TTC6: variants seen among roughly 807,000 people sequenced by gnomAD.
The protein encoded by TTC6 is tetratricopeptide repeat domain 6, also known as tetratricopeptide repeat protein 6.
A neutral mutation model predicts 210.4 loss-of-function variants in TTC6; 172 were observed. That is an observed-to-expected ratio of 0.82 (90% CI 0.72 to 0.93). The LOEUF (loss-of-function observed/expected upper bound fraction) is 0.93. TTC6 is among the 40% of genes least tolerant of loss of function. The probability of loss-of-function intolerance (pLI) is 0.00; values close to 1 mark genes in which losing one functional copy is unlikely to be tolerated. For missense variants in TTC6, 2,414 were observed against 2,318.1 expected (o/e 1.04, Z -0.85); for synonymous variants, 804 against 819.6 (o/e 0.98, Z 0.32).
chr14:37,705,121 C>T (rs997100500), intron 5 of TTC6, among the ~76,000 whole-genome samples: 1 of 152,040 alleles, frequency 6.6e-6, no homozygotes, highest in African/African-American at 2.4e-5. Flanking sequence ...TCAAATCAGG[C>T]ACCCCTTATA....
intron 14 of TTC6, among the ~76,000 whole-genome samples, chr14:37,787,023 T>G (rs896451787): frequency 6.6e-6 from 1 of 152,168 alleles, no homozygotes; most frequent in African/African-American, 2.4e-5. Flanking sequence ...CGTATTTGGA[T>G]GTATCTTCAA....
At chr14:37,638,917 C>G (rs553771956) in intron 1 of TTC6, among the ~76,000 whole-genome samples, 1 of 152,118 alleles carries the variant, frequency 6.6e-6, no homozygotes, top group South Asian at 2.1e-4. Context: ...TCTTTAAACC[C>G]CCAACTCCCC....
At chr14:37,771,591 T>C (rs987686905) in intron 14 of TTC6, among the ~76,000 whole-genome samples, 10 of 152,210 alleles carry the variant, frequency 6.6e-5, no homozygotes, top group African/African-American at 2.4e-4. Context: ...TCCAGTTGAT[T>C]GCATTGGCTC....
At chr14:37,674,352 GT>G (rs1358949530) in intron 1 of TTC6, among the ~76,000 whole-genome samples, 1 of 151,882 alleles carries the variant, frequency 6.6e-6, no homozygotes, top group Non-Finnish European at 1.5e-5. Context: ...TTATAATTAT[GT>G]TCTTTTCTGT....
At chr14:37,794,842 G>C (rs993325183) in intron 17 of TTC6, among the ~76,000 whole-genome samples, 5 of 151,934 alleles carry the variant, frequency 3.3e-5, no homozygotes, top group African/African-American at 1.2e-4. Context: ...TCCTATCTCA[G>C]CCTCCCAAAG....
chr14:37,708,684 G>A (rs1595133967), intron 5 of TTC6, among the ~76,000 whole-genome samples: 1 of 152,192 alleles, frequency 6.6e-6, no homozygotes, highest in East Asian at 1.9e-4. Flanking sequence ...GATAATCTGT[G>A]TGAAGCATAT....
chr14:37,767,279 T>C (rs1184449070), intron 14 of TTC6, among the ~76,000 whole-genome samples: 1 of 152,194 alleles, frequency 6.6e-6, no homozygotes, highest in East Asian at 1.9e-4. Flanking sequence ...TGTGTCTTTA[T>C]AGCAGCATGA....
chr14:37,618,422 AT>A (rs2095646173), upstream of TTC6, among the ~76,000 whole-genome samples: 1 of 152,204 alleles, frequency 6.6e-6, no homozygotes, highest in Non-Finnish European at 1.5e-5. Context: ...TAGGGTAAAC[AT>A]AATCAACCTG....
Position 37,735,927 on chromosome 14 carries a change from C to CA in TTC6, c.1827dup (p.Ala610SerfsTer7), listed in dbSNP as rs1316263058. The CA allele has an allele frequency of 6.5e-7, 1 of 1,528,108 alleles. No individual in the cohort carries two copies. Among genetic ancestry groups the CA allele is most frequent in the East Asian group, 2.5e-5 (1 of 40,784 alleles). The allele number at this position is 1,528,108 out of a possible 1,614,324, so 94.7% of individuals were successfully genotyped here. ...TGTTATCTTTTTATCACAGAGTGTT[C>CA]AAGCAAGCAGACTTTTAACTGATAA... On this transcript the variant is annotated frameshift_variant, in exon 8 of 31. Transcript: ENST00000553443. LOFTEE classifies it high-confidence loss of function.
chr14:37,606,858 G>A lies in TTC6; in HGVS notation c.-155+116G>A, dbSNP rs928647711. 1.6e-5 allele frequency: 14 copies of A among 864,384 alleles called. No homozygotes were observed. In the African/African-American group the frequency reaches 2.6e-4, roughly 16 times the overall value. The allele number at this position is 864,384 out of a possible 1,614,324, so 53.5% of individuals were successfully genotyped here. A position where few individuals can be genotyped will look rare whatever the true frequency, so the allele number is the denominator to read the frequency against. On this transcript the variant is annotated intron_variant, in intron 2 of 2. Coordinates refer to the TTC6 transcript ENST00000556845. ...CCATGAAGGCTCCAGGATTTCTGTG[G>A]TGGCTGGTTTCTACAGGAAAGGCTG... is the stretch of plus-strand genomic sequence containing the variant.
intron 1 of TTC6, among the ~76,000 whole-genome samples, chr14:37,656,066 G>A (rs2095722229): frequency 6.6e-6 from 1 of 152,262 alleles, no homozygotes; most frequent in East Asian, 1.9e-4. Flanking sequence ...TTTGGAGCTG[G>A]TTAGGATTTT....
chr14:37,636,001 GAAAA>G (rs950634838), intron 1 of TTC6, among the ~76,000 whole-genome samples: 2 of 101,802 alleles, frequency 2.0e-5, no homozygotes, highest in African/African-American at 7.2e-5. Context: ...AAAAAAAAAA[GAAAA>G]AAAAAAGAAA....
intron 2 of TTC6, among the ~76,000 whole-genome samples, chr14:37,616,707 T>C (rs1595014146): frequency 7.6e-6 from 1 of 132,056 alleles, no homozygotes; most frequent in African/African-American, 2.9e-5. Flanking sequence ...AACACTGCAC[T>C]CCAGCCTGGG....
At chr14:37,663,783 T>C (rs1010595943) in intron 1 of TTC6, among the ~76,000 whole-genome samples, 1 of 152,052 alleles carries the variant, frequency 6.6e-6, no homozygotes, top group African/African-American at 2.4e-5. Flanking sequence ...GCTTCTTACA[T>C]TGATAAGCAA....
At chr14:37,726,854 A>T (rs1200040942) in intron 7 of TTC6, among the ~76,000 whole-genome samples, 3 of 152,102 alleles carry the variant, frequency 2.0e-5, no homozygotes, top group African/African-American at 7.2e-5. Flanking sequence ...TTTATAAGTT[A>T]TGTACATAGA....
intron 1 of TTC6, among the ~76,000 whole-genome samples, chr14:37,648,206 C>A (rs930587993): frequency 6.6e-6 from 1 of 152,238 alleles, no homozygotes; most frequent in Admixed American, 6.5e-5. Flanking sequence ...CTTGTTTTAT[C>A]CTTGACTTTA....
At chr14:37,837,688 TTTTA>T (rs1314452178) in intron 29 of TTC6, 1 of 170,884 alleles carries the variant, frequency 5.9e-6, no homozygotes, top group Non-Finnish European at 1.3e-5. Flanking sequence ...GGAAGTGGAG[TTTTA>T]TTTGTTACCT....
chr14:37,765,812 G>C (rs74045695), intron 14 of TTC6, among the ~76,000 whole-genome samples: 3,611 of 152,036 alleles, frequency 0.024, 144 homozygotes, highest in African/African-American at 0.083. Context: ...AGTTTGCCAG[G>C]TATAGAATTC....
intron 14 of TTC6, among the ~76,000 whole-genome samples, chr14:37,756,440 A>G (rs1304466265): frequency 6.6e-6 from 1 of 152,212 alleles, no homozygotes; most frequent in Non-Finnish European, 1.5e-5. Flanking sequence ...TTCAAAGGGA[A>G]TGCTTCCAGC....
Sources: allele counts gnomAD v4.1 joint callset (sites outside exome capture counted in the v4.1 genomes callset), GRCh38; gene constraint gnomAD v4.1.1; transcripts MANE v1.5; gene names NCBI Gene and HGNC (gene_info 2026-07-23, HGNC 2026-07-21).